Variants in RAD52 observed in about 807,000 individuals in gnomAD.
RAD52 encodes the protein RAD52 DNA repair protein.
Under a neutral mutation model 55.5 loss-of-function variants are expected in RAD52, and 47 were observed. The observed-to-expected ratio is 0.85, with a 90% confidence interval of 0.67 to 1.08. The LOEUF (loss-of-function observed/expected upper bound fraction) is 1.08. Ranked by LOEUF, RAD52 falls within the 50% of genes least tolerant of loss-of-function variation. The pLI is 0.00. For missense variants in RAD52, 468 were observed against 522.8 expected, an observed-to-expected ratio of 0.90 and a Z score of 1.02; for synonymous variants, 184 against 198.9, an observed-to-expected ratio of 0.92 and a Z score of 0.63.
At chr12:937,956 A>G (rs1957724953) in intron 1 of RAD52, among the ~76,000 whole-genome samples, 1 of 152,118 alleles carries the variant, frequency 6.6e-6, no homozygotes, top group Non-Finnish European at 1.5e-5. Context: ...GAACATCACC[A>G]AGCCATGAGC....
At chr12:970,772 A>G (rs144694213) in intron 1 of RAD52, among the ~76,000 whole-genome samples, 27 of 152,258 alleles carry the variant, frequency 1.8e-4, no homozygotes, top group Admixed American at 5.2e-4. Flanking sequence ...GAAGAAAGTG[A>G]ACCAACAACC....
Position 912,872 on chromosome 12 carries a change from T to C in RAD52, c.*519A>G, listed in dbSNP as rs1956173034. On this transcript the variant is annotated 3_prime_UTR_variant, in exon 12 of 12. Transcript: ENST00000358495. ...AATTATTTATATTAAATGAAGATTG[T>C]AGCCTGGATTGATACAAAGTAGTGA... The C allele has an allele frequency of 5.1e-6, 1 of 197,260 alleles. No homozygotes were observed. Among genetic ancestry groups the C allele is most frequent in the Admixed American group, 6.1e-5 (1 of 16,474 alleles). The allele number at this position is 197,260 out of a possible 1,614,324, so 12.2% of individuals were successfully genotyped here. A position where few individuals can be genotyped will look rare whatever the true frequency, so the allele number is the denominator to read the frequency against.
chr12:928,671 T>A (rs761118294), intron 5 of RAD52, among the ~76,000 whole-genome samples: 3 of 151,652 alleles, frequency 2.0e-5, no homozygotes, highest in Non-Finnish European at 4.4e-5. Flanking sequence ...AGATTTCATA[T>A]CTTTAATTTT....
rs767039489 is a variant in RAD52, at chr12:929,954, G to A, written c.281-68C>T. On this transcript the variant is annotated intron_variant, in intron 4 of 11. Coordinates refer to ENST00000358495, the MANE Select transcript of RAD52 (RefSeq NM_134424.4). Reference sequence around the variant, plus strand: ...CTGGGCCACAACCATTCCTCCTGCTGGCAGCTGAGTCCACCTACCTTACCT... The same window carrying A: ...CTGGGCCACAACCATTCCTCCTGCTAGCAGCTGAGTCCACCTACCTTACCT... 7 of 1,569,288 alleles carry A rather than the reference G, an allele frequency of 4.5e-6. No individual in the cohort carries two copies. In the East Asian group the frequency reaches 1.3e-4, roughly 30 times the overall value.
chr12:962,380 G>A (rs191464735), intron 1 of RAD52, among the ~76,000 whole-genome samples: 7 of 146,486 alleles, frequency 4.8e-5, no homozygotes, highest in Admixed American at 2.1e-4. Context: ...TTGCTCTGTC[G>A]CCCAGGCTGG....
intron 1 of RAD52, among the ~76,000 whole-genome samples, chr12:984,152 C>T (rs557800381): frequency 3.0e-4 from 46 of 152,282 alleles, no homozygotes; most frequent in African/African-American, 1.0e-3. Flanking sequence ...CCCTCTTCCC[C>T]CTCCCTCTGT....
intron 5 of RAD52, 196 bp downstream of exon 5, chr12:929,623 G>A (rs1957219484): frequency 2.6e-6 from 2 of 774,364 alleles, no homozygotes; most frequent in Non-Finnish European, 2.4e-6. Context: ...GCTTGAACAT[G>A]TGCAAGAGAA....
In RAD52 at chr12:912,025, CA is replaced by C. The variant is rs202071770; in HGVS notation, c.*1365del. The C allele has an allele frequency of 6.2e-4, 115 of 184,620 alleles. No homozygotes were observed. Among genetic ancestry groups the C allele is most frequent in the East Asian group, 1.5e-3 (18 of 11,872 alleles). The allele number at this position is 184,620 out of a possible 1,614,324, so 11.4% of individuals were successfully genotyped here. A position where few individuals can be genotyped will look rare whatever the true frequency, so the allele number is the denominator to read the frequency against. ...CGCTACAGAGCCAGACCCCCCCTCT[CA>C]AAAAAAAAGTTGTTAAACTGCAAAC... On this transcript the variant is annotated 3_prime_UTR_variant, in exon 12 of 12. Coordinates refer to ENST00000358495, the MANE Select transcript of RAD52 (RefSeq NM_134424.4).
intron 5 of RAD52, among the ~76,000 whole-genome samples, chr12:929,487 T>G (rs1158532222): frequency 6.6e-6 from 1 of 152,218 alleles, no homozygotes; most frequent in Non-Finnish European, 1.5e-5. Flanking sequence ...TTGCCTAAAG[T>G]TGAGTTTCCA....
intron 3 of RAD52, 32 bp from the exon 4 acceptor site, chr12:930,176 GT>G (rs758821754): frequency 1.9e-5 from 28 of 1,504,362 alleles, no homozygotes; most frequent in Non-Finnish European, 2.3e-5. Flanking sequence ...AGGAAAAGCT[GT>G]GTTAATTCCT....
chr12:928,577 G>A (rs915857944), intron 5 of RAD52, among the ~76,000 whole-genome samples: 6 of 151,338 alleles, frequency 4.0e-5, no homozygotes, highest in African/African-American at 1.5e-4. Context: ...TAAACTAACT[G>A]AAAAGAAAAA....
At chr12:970,208 C>T (rs894653320) in intron 1 of RAD52, among the ~76,000 whole-genome samples, 1 of 144,626 alleles carries the variant, frequency 6.9e-6, no homozygotes, top group Non-Finnish European at 1.5e-5. Context: ...CTGGGTGGGG[C>T]AGGGGGGTGC....
intron 1 of RAD52, among the ~76,000 whole-genome samples, chr12:960,609 C>T (rs929752287): frequency 3.9e-5 from 6 of 152,158 alleles, no homozygotes; most frequent in East Asian, 3.9e-4. Context: ...ACTATAGGCA[C>T]ATGCCACCAC....
At chr12:965,373 A>G (rs1958746678) in intron 1 of RAD52, among the ~76,000 whole-genome samples, 1 of 151,994 alleles carries the variant, frequency 6.6e-6, no homozygotes, top group Admixed American at 6.5e-5. Context: ...ACTGCTTTGT[A>G]TTGTTATGTA....
upstream of RAD52, among the ~76,000 whole-genome samples, chr12:952,871 G>A (rs1241531191): frequency 8.3e-6 from 1 of 120,680 alleles, no homozygotes; most frequent in African/African-American, 3.2e-5. Context: ...GAGCCTGGGC[G>A]ACAAGAACAA....
At chr12:945,537 G>A (rs1461379109) in intron 1 of RAD52, among the ~76,000 whole-genome samples, 1 of 151,024 alleles carries the variant, frequency 6.6e-6, no homozygotes. Context: ...AGGTTCAAGT[G>A]ATTCTGGTGC....
At chr12:979,412 G>C (rs1958979810) in intron 1 of RAD52, among the ~76,000 whole-genome samples, 1 of 151,952 alleles carries the variant, frequency 6.6e-6, no homozygotes, top group South Asian at 2.1e-4. Flanking sequence ...CTGCACTCCA[G>C]CCTGGGCAAC....
rs148648484 is a variant in RAD52 at position 977,635 on chromosome 12, C to A, written c.-19+12174G>T. ...GCCCTGCTCCTATCTGCCTATCTAC[C>A]CACTCTAACAACACCAGTAGGTAAC... On this transcript the variant is annotated intron_variant, in intron 1 of 11. Transcript: ENST00000430095. 3.5e-4 allele frequency among the ~76,000 whole-genome samples: 54 copies of A among 152,292 alleles called. No individual in the cohort carries two copies. The East Asian group carries it at 8.1e-3, about 23-fold the overall frequency.
intron 7 of RAD52, among the ~76,000 whole-genome samples, chr12:921,989 C>G (rs1157415582): frequency 6.6e-6 from 1 of 151,630 alleles, no homozygotes; most frequent in African/African-American, 2.4e-5. Context: ...GCCTATAGTC[C>G]CAGCTACTTG....
Sources: gnomAD v4.1 joint callset for allele counts (sites outside exome capture counted in the v4.1 genomes callset) on GRCh38, gnomAD v4.1.1 for gene constraint, MANE v1.5 for transcripts, NCBI Gene and HGNC (gene_info 2026-07-23, HGNC 2026-07-21) for gene names.